CDH12: variants seen among roughly 807,000 people sequenced by gnomAD.
The protein encoded by CDH12 is cadherin 12, also known as cadherin-12.
CDH12 carries 41 observed loss-of-function variants against 74.1 expected under a neutral mutation model. That is an observed-to-expected ratio of 0.55 (90% CI 0.43 to 0.72). The LOEUF is 0.72. Among genes scored for constraint, CDH12 ranks in the 30% least tolerant of loss-of-function variants. CDH12 has a pLI of 0.00. For synonymous variants in CDH12, 399 were observed against 355.0 expected (o/e 1.12, Z -1.39); for missense variants, 945 against 977.2 (o/e 0.97, Z 0.44).
chr5:22,136,212 G>T (rs1332270063), intron 4 of CDH12, among the ~76,000 whole-genome samples: 1 of 151,946 alleles, frequency 6.6e-6, no homozygotes, highest in Admixed American at 6.6e-5. Flanking sequence ...GTAAATGCAG[G>T]CTCAACCAGA....
chr5:22,438,117 CAT>C (rs993574326), intron 2 of CDH12, among the ~76,000 whole-genome samples: 14 of 151,940 alleles, frequency 9.2e-5, no homozygotes, highest in African/African-American at 3.4e-4. Flanking sequence ...TCTTAACCTC[CAT>C]TCTAAACTAA....
rs1395479220 is a variant in CDH12, at chr5:22,145,317, T to A, written c.-186-66455A>T. ...GTACAGCTGCTAGCAATGAGGGGGA[T>A]CTAGGATTCTATCACATGATACCTT... On this transcript the variant is annotated intron_variant, in intron 4 of 14. Coordinates refer to ENST00000382254, the MANE Select transcript of CDH12 (RefSeq NM_004061.5). Among the ~76,000 whole-genome samples the A allele has an allele frequency of 3.9e-5, 6 of 152,074 alleles. No individual in the cohort carries two copies. In the South Asian group the frequency reaches 1.2e-3, roughly 32 times the overall value.
intron 3 of CDH12, among the ~76,000 whole-genome samples, chr5:22,267,189 A>G (rs546649788): frequency 6.6e-5 from 10 of 152,308 alleles, no homozygotes; most frequent in Admixed American, 3.9e-4. Flanking sequence ...CAAAGAAAAA[A>G]TAAAAATATT....
In CDH12 at chr5:21,964,659, A is replaced by T. The variant is rs1011005564; in HGVS notation, c.526+10432T>A. On this transcript the variant is annotated intron_variant, in intron 6 of 14. Coordinates refer to ENST00000382254, the MANE Select transcript of CDH12 (RefSeq NM_004061.5). Reference sequence around the variant, plus strand: ...TGCTTTTGTTGTATTAGAGATTAACATATGTAGACAGTGTTCTTTTTGACT... The same window carrying T: ...TGCTTTTGTTGTATTAGAGATTAACTTATGTAGACAGTGTTCTTTTTGACT... Among the ~76,000 whole-genome samples the T allele has an allele frequency of 1.6e-4, 25 of 152,138 alleles. No individual in the cohort carries two copies. In the East Asian group the frequency reaches 1.7e-3, roughly 11 times the overall value.
At chr5:21,832,773 T>A (rs56349944) in intron 8 of CDH12, among the ~76,000 whole-genome samples, 26,005 of 123,710 alleles carry the variant, frequency 0.21, 2,859 homozygotes, top group East Asian at 0.3. Flanking sequence ...TGATATATAT[T>A]ATATTAATAT....
intron 1 of CDH12, among the ~76,000 whole-genome samples, chr5:22,776,684 G>C (rs1311382496): frequency 6.6e-6 from 1 of 152,210 alleles, no homozygotes; most frequent in East Asian, 1.9e-4. Flanking sequence ...ATAAAGACGA[G>C]TGTATTTAAA....
chr5:21,782,128 C>T (rs573824312), intron 11 of CDH12, among the ~76,000 whole-genome samples: 2 of 152,236 alleles, frequency 1.3e-5, no homozygotes, highest in Admixed American at 6.5e-5. Flanking sequence ...CTCACATTTC[C>T]AGAACACTGG....
intron 6 of CDH12, among the ~76,000 whole-genome samples, chr5:21,953,948 C>T (rs1755982447): frequency 6.6e-6 from 1 of 151,954 alleles, no homozygotes; most frequent in African/African-American, 2.4e-5. Context: ...AAATACATAA[C>T]CAAATAGACA....
At chr5:22,380,597 T>A (rs1030853114) in intron 3 of CDH12, among the ~76,000 whole-genome samples, 6 of 152,126 alleles carry the variant, frequency 3.9e-5, no homozygotes, top group Non-Finnish European at 8.8e-5. Context: ...TAGGCATATA[T>A]GTTAAAAACT....
intron 3 of CDH12, among the ~76,000 whole-genome samples, chr5:22,353,734 G>A (rs1740449818): frequency 6.6e-6 from 1 of 152,000 alleles, no homozygotes; most frequent in Admixed American, 6.6e-5. Context: ...TCTGTATTTG[G>A]TCTTTTTTCT....
intron 3 of CDH12, among the ~76,000 whole-genome samples, chr5:22,402,887 A>C (rs1207681797): frequency 6.6e-6 from 1 of 152,192 alleles, no homozygotes; most frequent in Admixed American, 6.5e-5. Context: ...TAGTAGACCC[A>C]CAATGTTTTT....
chr5:22,311,797 T>C (rs1428924799), intron 3 of CDH12, among the ~76,000 whole-genome samples: 2 of 152,058 alleles, frequency 1.3e-5, no homozygotes, highest in Non-Finnish European at 2.9e-5. Flanking sequence ...CTGATACTTA[T>C]GTCTCTCTGG....
intron 4 of CDH12, among the ~76,000 whole-genome samples, chr5:22,126,942 G>T (rs1412884579): frequency 6.6e-6 from 1 of 152,228 alleles, no homozygotes; most frequent in South Asian, 2.1e-4. Flanking sequence ...GTTAAAATAC[G>T]TCTTATGGGA....
chr5:22,261,732 A>G (rs1248871321), intron 3 of CDH12, among the ~76,000 whole-genome samples: 2 of 151,650 alleles, frequency 1.3e-5, no homozygotes, highest in African/African-American at 4.9e-5. Flanking sequence ...TTGTTTTTAA[A>G]TTTGCATGTG....
intron 6 of CDH12, among the ~76,000 whole-genome samples, chr5:21,929,613 C>A: frequency 6.6e-6 from 1 of 152,162 alleles, no homozygotes; most frequent in Middle Eastern, 3.4e-3. Flanking sequence ...ACCTCCCCAA[C>A]CTCAGGTGAT....
chr5:22,714,970 G>A (rs1743497128), intron 1 of CDH12, among the ~76,000 whole-genome samples: 1 of 152,108 alleles, frequency 6.6e-6, no homozygotes, highest in South Asian at 2.1e-4. Flanking sequence ...GAATACTGGT[G>A]CATCTCTCAG....
intron 1 of CDH12, among the ~76,000 whole-genome samples, chr5:22,576,079 G>A (rs2126774145): frequency 6.6e-6 from 1 of 152,180 alleles, no homozygotes; most frequent in South Asian, 2.1e-4. Flanking sequence ...GCCCCCAAGG[G>A]CCCCATCTCA....
At chr5:22,655,695 G>A (rs942948862) in intron 1 of CDH12, among the ~76,000 whole-genome samples, 2 of 152,174 alleles carry the variant, frequency 1.3e-5, no homozygotes, top group Non-Finnish European at 2.9e-5. Context: ...GGAAGTTAGA[G>A]TGCCTGCATT....
chr5:22,077,059 TGTGTG>T (rs1269164113), intron 5 of CDH12, among the ~76,000 whole-genome samples: 2 of 151,324 alleles, frequency 1.3e-5, no homozygotes. Flanking sequence ...TGTGTGTGTG[TGTGTG>T]TGTGTGTGTG....
Sources: allele counts gnomAD v4.1 joint callset (sites outside exome capture counted in the v4.1 genomes callset), GRCh38; gene constraint gnomAD v4.1.1; transcripts MANE v1.5; gene names NCBI Gene and HGNC (gene_info 2026-07-23, HGNC 2026-07-21).